BABAM2: variants seen among roughly 807,000 people sequenced by gnomAD.
BABAM2 encodes the protein BRISC and BRCA1-A complex member 2.
BABAM2 carries 31 observed loss-of-function variants against 54.7 expected under a neutral mutation model. The ratio of observed to expected loss-of-function variants is 0.57; its 90% CI spans 0.43 to 0.77. BABAM2 has a LOEUF of 0.77. Among genes scored for constraint, BABAM2 ranks in the 30% least tolerant of loss-of-function variants. The pLI, the probability that BABAM2 is intolerant of heterozygous loss-of-function variation, is 0.00. For synonymous variants in BABAM2, 167 were observed against 162.9 expected, an observed-to-expected ratio of 1.03 and a Z score of -0.19; for missense variants, 364 against 455.8, an observed-to-expected ratio of 0.80 and a Z score of 1.83.
intron 4 of BABAM2, among the ~76,000 whole-genome samples, chr2:27,998,611 G>A (rs771955106): frequency 1.3e-5 from 2 of 152,082 alleles, no homozygotes; most frequent in Non-Finnish European, 2.9e-5. Context: ...GATAAAAGAT[G>A]TATCTCAAAC....
At chr2:28,332,164 G>A (rs1006748523) in intron 11 of BABAM2, among the ~76,000 whole-genome samples, 6 of 151,970 alleles carry the variant, frequency 3.9e-5, no homozygotes, top group Admixed American at 6.6e-5. Flanking sequence ...CCTGTTGATC[G>A]GGGGGCATCA....
intron 7 of BABAM2, among the ~76,000 whole-genome samples, chr2:28,232,367 C>T (rs964457099): frequency 2.6e-5 from 4 of 152,184 alleles, no homozygotes; most frequent in African/African-American, 9.7e-5. Flanking sequence ...GGCTGACTCC[C>T]TGCATTTTTC....
intron 7 of BABAM2, among the ~76,000 whole-genome samples, chr2:28,211,684 C>T (rs540483455): frequency 7.2e-5 from 11 of 152,188 alleles, no homozygotes; most frequent in African/African-American, 2.2e-4. Context: ...CCATTGTGCC[C>T]GGACTCTGCC....
At chr2:27,931,966 GC>G (rs1668128082) in intron 3 of BABAM2, among the ~76,000 whole-genome samples, 1 of 151,980 alleles carries the variant, frequency 6.6e-6, no homozygotes, top group African/African-American at 2.4e-5. Context: ...TCTGTGCCTT[GC>G]CTATAAATTG....
chr2:28,208,563 G>GT (rs946115613), intron 7 of BABAM2, among the ~76,000 whole-genome samples: 3 of 151,990 alleles, frequency 2.0e-5, no homozygotes, highest in East Asian at 3.9e-4. Context: ...CCTACAATTT[G>GT]TTTTTTTCCT....
At chr2:28,175,467 C>T (rs184795352) in intron 7 of BABAM2, among the ~76,000 whole-genome samples, 39 of 152,298 alleles carry the variant, frequency 2.6e-4, no homozygotes, top group African/African-American at 8.9e-4. Flanking sequence ...GGGATTATCC[C>T]ACCCTGTCCC....
chr2:27,918,202 C>T (rs530448790), intron 2 of BABAM2, among the ~76,000 whole-genome samples: 17 of 152,156 alleles, frequency 1.1e-4, no homozygotes, highest in African/African-American at 1.9e-4. Flanking sequence ...AACTATCCAT[C>T]GGAAACTCTG....
intron 9 of BABAM2, among the ~76,000 whole-genome samples, chr2:28,242,162 C>T (rs1335240049): frequency 6.6e-6 from 1 of 152,174 alleles, no homozygotes. Context: ...GCAGGAACCC[C>T]ATTTCCCCAG....
At position 28,265,483 on chromosome 2, in the gene BABAM2, G is replaced by A. The variant is rs150652315; in HGVS notation, c.934+20621G>A. 2.0e-5 allele frequency among the ~76,000 whole-genome samples: 3 copies of A among 152,184 alleles called. No individual in the cohort carries two copies. The East Asian group carries it at 5.8e-4, about 29-fold the overall frequency. ...TCAATTGGTGTTCTTAAACAAAATG[G>A]CCTAAGGGTCAGAAAACTGAAAAGC... On this transcript the variant is annotated intron_variant, in intron 10 of 11. Coordinates refer to ENST00000379624, the MANE Select transcript of BABAM2 (RefSeq NM_199191.3).
chr2:27,930,109 T>C, intron 3 of BABAM2: 1 of 510,846 alleles, frequency 2.0e-6, no homozygotes, highest in Non-Finnish European at 3.5e-6. Flanking sequence ...TGTGGTTAAA[T>C]AGGCATGCAC....
intron 2 of BABAM2, among the ~76,000 whole-genome samples, chr2:27,926,040 G>A (rs530072487): frequency 2.9e-4 from 44 of 151,514 alleles, no homozygotes; most frequent in African/African-American, 1.1e-3. Flanking sequence ...CATCTTTGTT[G>A]ACTAAAATGG....
intron 6 of BABAM2, among the ~76,000 whole-genome samples, chr2:28,070,625 C>G (rs1346631717): frequency 6.6e-6 from 1 of 151,332 alleles, no homozygotes; most frequent in East Asian, 1.9e-4. Flanking sequence ...TCTCGGCTCA[C>G]TGCAAGCTCC....
chr2:28,291,252 T>C (rs1416939649), intron 10 of BABAM2, among the ~76,000 whole-genome samples: 1 of 152,214 alleles, frequency 6.6e-6, no homozygotes, highest in African/African-American at 2.4e-5. Flanking sequence ...TTTTAGCATA[T>C]GTGGAAAAAT....
In BABAM2 at chr2:28,304,974, A is replaced by G. The variant is rs1296766068; in HGVS notation, c.1088+6483A>G. On this transcript the variant is annotated intron_variant, in intron 11 of 11. Transcript: ENST00000379624. This position sits in a 1 kb window ranked among gnomAD's most constrained non-coding sequence, Gnocchi z 4.0. The stretch of plus-strand genomic sequence containing the variant: ...ATTACAGGCATGAGCCAGCACGCCC[A>G]GCCTGCAATTTCTTACATAAACAGT... Among the ~76,000 whole-genome samples the G allele has an allele frequency of 1.3e-5, 2 of 152,236 alleles. No individual in the cohort carries two copies. Among genetic ancestry groups the G allele is most frequent in the African/African-American group, 4.8e-5 (2 of 41,462 alleles).
chr2:28,325,076 G>T lies in BABAM2; in HGVS notation c.1089-13374G>T, dbSNP rs1012656918. Reference sequence around the variant, plus strand: ...AACTAAAACAAAAGTGCCACATACAGTGCACTCTGATTTTATTTCACTTTA... The same window carrying T: ...AACTAAAACAAAAGTGCCACATACATTGCACTCTGATTTTATTTCACTTTA... On this transcript the variant is annotated intron_variant, in intron 11 of 11. Transcript: ENST00000379624. The surrounding 1 kb of genome is among the most constrained non-coding windows in gnomAD (Gnocchi z 4.3). Among the ~76,000 whole-genome samples, 2 of 152,026 alleles carry T rather than the reference G, an allele frequency of 1.3e-5. No individual in the cohort carries two copies. The highest frequency in any genetic ancestry group is 4.8e-5 in the African/African-American group (2 of 41,378).
intron 6 of BABAM2, among the ~76,000 whole-genome samples, chr2:28,085,829 A>G (rs1208046168): frequency 6.6e-6 from 1 of 152,168 alleles, no homozygotes; most frequent in Non-Finnish European, 1.5e-5. Context: ...GGCATCTCCT[A>G]CACATTGACT....
intron 2 of BABAM2, 71 bp from the exon 3 acceptor site, chr2:27,929,761 A>G (rs2148350619): frequency 1.5e-6 from 2 of 1,367,324 alleles, no homozygotes; most frequent in Non-Finnish European, 2.1e-6. Flanking sequence ...GTTTAGTATC[A>G]TAAACATGTG....
In BABAM2 at chr2:27,913,028, C is replaced by T. The variant is rs567278422; in HGVS notation, c.129-16804C>T. ...GCAGCTTATCTTCATATCCAAGGAC[C>T]TTCAGCATCTAAAGATTCTTCAGAA... is the stretch of plus-strand genomic sequence containing the variant. On this transcript the variant is annotated intron_variant, in intron 2 of 11. Coordinates refer to ENST00000379624, the MANE Select transcript of BABAM2 (RefSeq NM_199191.3). 3.7e-3 allele frequency among the ~76,000 whole-genome samples: 568 copies of T among 152,162 alleles called. 2 individuals are homozygous for T. Among genetic ancestry groups the T allele is most frequent in the African/African-American group, 0.013 (528 of 41,542 alleles).
intron 3 of BABAM2, among the ~76,000 whole-genome samples, chr2:27,975,832 A>T (rs1048124202): frequency 1.3e-5 from 2 of 152,154 alleles, no homozygotes; most frequent in Non-Finnish European, 2.9e-5. Flanking sequence ...AAGAATATGT[A>T]GCTTTCAAAA....
Sources: gnomAD v4.1 joint callset for allele counts (sites outside exome capture counted in the v4.1 genomes callset) on GRCh38, gnomAD v4.1.1 for gene constraint, Gnocchi (gnomAD v3.1) non-coding constraint, MANE v1.5 for transcripts, NCBI Gene and HGNC (gene_info 2026-07-23, HGNC 2026-07-21) for gene names.